The following SCTR variants were observed in gnomAD, a reference collection of about 807,000 sequenced individuals.
The protein encoded by SCTR is secretin receptor, also known as pancreatic secretin receptor.
Under a neutral mutation model 60.8 loss-of-function variants are expected in SCTR, and 56 were observed. That is an observed-to-expected ratio of 0.92 (90% confidence interval 0.74 to 1.15). The LOEUF is 1.15. SCTR is among the 50% of genes most tolerant of loss of function. SCTR has a pLI of 0.00. For synonymous variants in SCTR, 202 were observed against 217.0 expected, an observed-to-expected ratio of 0.93 and a Z score of 0.61; for missense variants, 562 against 550.4, an observed-to-expected ratio of 1.02 and a Z score of -0.21.
At chr2:119,451,119 T>A (rs972337913) in intron 9 of SCTR, among the ~76,000 whole-genome samples, 1 of 152,314 alleles carries the variant, frequency 6.6e-6, no homozygotes. Flanking sequence ...AGGGGCCCTG[T>A]CCTGTGCCCT....
At chr2:119,508,383 C>CTTTTTTTTTTT (rs34070844) in intron 1 of SCTR, among the ~76,000 whole-genome samples, 38 of 77,408 alleles carry the variant, frequency 4.9e-4, no homozygotes, top group Non-Finnish European at 7.1e-4. Flanking sequence ...TCTTCTTCTT[C>CTTTTTTTTTTT]TTTTTTTTTT....
intron 1 of SCTR, among the ~76,000 whole-genome samples, chr2:119,496,899 C>T (rs1291449772): frequency 1.3e-5 from 2 of 152,096 alleles, no homozygotes; most frequent in African/African-American, 4.8e-5. Flanking sequence ...GGTAACCAGC[C>T]TTGGTGATGT....
chr2:119,440,181 C>G lies in SCTR; in HGVS notation c.1259G>C (p.Ser420Thr). ...CAAGTGGCTGGCCTTGGTGCTGTTGCTGAAGGAGGCCACGGGGTGCAGTGG... is the reference window on the plus strand; with the variant it reads ...CAAGTGGCTGGCCTTGGTGCTGTTGGTGAAGGAGGCCACGGGGTGCAGTGG... ...EFPLHPVASF[S>T]NSTKASHLEQ... Residue 420 changes from serine to threonine, a missense_variant, in exon 13 of 13, where the codon AGC becomes ACC. Ser to Thr is a moderately conservative substitution (Grantham distance 58). Coordinates refer to ENST00000019103, the MANE Select transcript of SCTR (RefSeq NM_002980.3). 6.2e-7 allele frequency: 1 copy of G among 1,614,092 alleles called. No homozygotes were observed.
chr2:119,477,918 G>T (rs1192530253), intron 3 of SCTR, among the ~76,000 whole-genome samples: 2 of 152,192 alleles, frequency 1.3e-5, no homozygotes, highest in Non-Finnish European at 1.5e-5. Flanking sequence ...GAGGCTTCGA[G>T]GGAGCAGCAT....
At chr2:119,479,359 G>A in intron 2 of SCTR, 1 of 852,404 alleles carries the variant, frequency 1.2e-6, no homozygotes, top group Non-Finnish European at 1.4e-6. Context: ...TGGCACACAG[G>A]GATCCTGCAT....
At chr2:119,494,669 G>A (rs770414161) in intron 1 of SCTR, 121 bp from the exon 2 acceptor site, 1 of 1,017,998 alleles carries the variant, frequency 9.8e-7, no homozygotes, top group Non-Finnish European at 1.4e-6. Flanking sequence ...GCCCTTGCCT[G>A]CAAGGATCTC....
Position 119,509,210 on chromosome 2 carries a change from T to C in SCTR, c.73-14662A>G, listed in dbSNP as rs1330375398. The stretch of plus-strand genomic sequence containing the variant: ...AGAATGAATGACAGGTGTAGAAGAC[T>C]GAACCTAACCCAGGGGATGGAGCCA... On this transcript the variant is annotated intron_variant, in intron 1 of 12. Coordinates refer to ENST00000019103, the MANE Select transcript of SCTR (RefSeq NM_002980.3). 2.0e-5 allele frequency among the ~76,000 whole-genome samples: 3 copies of C among 152,288 alleles called. No individual in the cohort carries two copies. In the East Asian group the frequency reaches 5.8e-4, roughly 29 times the overall value.
chr2:119,446,433 T>A (rs1475483985), intron 11 of SCTR, among the ~76,000 whole-genome samples: 1 of 152,224 alleles, frequency 6.6e-6, no homozygotes, highest in African/African-American at 2.4e-5. Context: ...CAGTGTTTGA[T>A]GACTTGGCCA....
chr2:119,464,935 A>G (rs77551386), intron 5 of SCTR, among the ~76,000 whole-genome samples: 2,807 of 152,272 alleles, frequency 0.018, 75 homozygotes, highest in African/African-American at 0.064. Flanking sequence ...GACCTTGAGC[A>G]AGACTTTTCA....
At chr2:119,464,478 A>C (rs1249502965) in intron 5 of SCTR, among the ~76,000 whole-genome samples, 1 of 151,656 alleles carries the variant, frequency 6.6e-6, no homozygotes, top group African/African-American at 2.4e-5. Context: ...AAGGCCAGCC[A>C]CAGTGTGGCT....
At chr2:119,488,548 G>A (rs1461654974) in intron 2 of SCTR, among the ~76,000 whole-genome samples, 1 of 152,206 alleles carries the variant, frequency 6.6e-6, no homozygotes, top group South Asian at 2.1e-4. Context: ...TGCTCAGATC[G>A]GTCAACCTGG....
chr2:119,460,260 A>C (rs1269804877), intron 7 of SCTR, among the ~76,000 whole-genome samples: 1 of 152,010 alleles, frequency 6.6e-6, no homozygotes, highest in Non-Finnish European at 1.5e-5. Context: ...AAACCAAAAG[A>C]AGCTAATGCT....
Position 119,524,232 on chromosome 2 carries a change from C to G in SCTR, c.-6G>C, listed in dbSNP as rs759453547. 1 of 1,454,294 alleles carries G rather than the reference C, an allele frequency of 6.9e-7. No homozygotes were observed. The highest frequency in any genetic ancestry group is 1.4e-5 in the South Asian group (1 of 73,028). 90.1% of individuals were successfully genotyped at this position (1,454,294 alleles called of 1,614,324 possible). On this transcript the variant is annotated 5_prime_UTR_variant, in exon 1 of 13. Transcript: ENST00000019103. ...GGCGACAGGTGGGGACGCATGGTGC[C>G]CGCACGTTCCCCGAGGGCGCCCCGA...
At chr2:119,448,588 C>T (rs770705660) in intron 10 of SCTR, 101 bp downstream of exon 10, 4 of 725,088 alleles carry the variant, frequency 5.5e-6, no homozygotes, top group South Asian at 3.2e-5. Flanking sequence ...AGGTCTACAA[C>T]GTTTCCTCCG....
intron 7 of SCTR, among the ~76,000 whole-genome samples, chr2:119,460,399 G>C (rs1683554499): frequency 6.6e-6 from 1 of 151,446 alleles, no homozygotes; most frequent in African/African-American, 2.4e-5. Context: ...TAGAGGAATG[G>C]ATGGATGAGT....
chr2:119,477,104 ATTT>A (rs1677360614), intron 3 of SCTR: 1 of 152,232 alleles, frequency 6.6e-6, no homozygotes, highest in African/African-American at 2.4e-5. Context: ...TATTTTCCCC[ATTT>A]TACAGTCAAG....
At chr2:119,486,642 T>C (rs1677879012) in intron 2 of SCTR, 1 of 152,238 alleles carries the variant, frequency 6.6e-6, no homozygotes, top group African/African-American at 2.4e-5. Context: ...TTGATTAGAC[T>C]GGACGGCAAA....
intron 1 of SCTR, among the ~76,000 whole-genome samples, chr2:119,514,625 T>G (rs371291267): frequency 1.7e-4 from 26 of 152,218 alleles, no homozygotes; most frequent in African/African-American, 5.8e-4. Context: ...GCTGCAATCC[T>G]AGCACTTTGG....
intron 6 of SCTR, 65 bp from the exon 7 acceptor site, chr2:119,462,065 C>G: frequency 6.7e-7 from 1 of 1,498,818 alleles, no homozygotes; most frequent in Admixed American, 2.0e-5. Flanking sequence ...GTGAGTGGCC[C>G]CAAAGGGAGC....
Sources: gnomAD v4.1 joint callset for allele counts (sites outside exome capture counted in the v4.1 genomes callset) on GRCh38, gnomAD v4.1.1 for gene constraint, MANE v1.5 for transcripts, NCBI Gene and HGNC (gene_info 2026-07-23, HGNC 2026-07-21) for gene names.